NEO1: variants seen among roughly 807,000 people sequenced by gnomAD.
NEO1 encodes neogenin 1.
NEO1 carries 63 observed loss-of-function variants against 159.7 expected under a neutral mutation model. The ratio of observed to expected loss-of-function variants is 0.39; its 90% CI spans 0.32 to 0.49. The LOEUF is 0.49. NEO1 is among the 20% of genes least tolerant of loss of function. NEO1 has a pLI of 0.85. For synonymous variants in NEO1, 633 were observed against 662.0 expected, an observed-to-expected ratio of 0.96 and a Z score of 0.67; for missense variants, 1,615 against 1,831.0, an observed-to-expected ratio of 0.88 and a Z score of 2.15.
rs12050828 is a variant in NEO1, at chr15:73,250,430, G to A, written c.1894+709G>A. ...GTATTTATGTGTATACCGCTCTTAC[G>A]TAAACACACATGCTTTAGAAGGTAA... is the stretch of plus-strand genomic sequence containing the variant. On this transcript the variant is annotated intron_variant, in intron 11 of 28. Transcript: ENST00000261908. 1.4e-3 allele frequency among the ~76,000 whole-genome samples: 220 copies of A among 152,198 alleles called. 2 individuals carry two copies. The East Asian group carries it at 0.041, about 29-fold the overall frequency.
intron 3 of NEO1, 112 bp downstream of exon 3, chr15:73,122,912 G>A: frequency 2.3e-6 from 3 of 1,307,934 alleles, no homozygotes; most frequent in Non-Finnish European, 3.2e-6. Flanking sequence ...GCTCACACCT[G>A]TAATCCCAGC....
Position 73,266,354 on chromosome 15 carries a change from A to G in NEO1, c.2437A>G (p.Asn813Asp). The G allele has an allele frequency of 6.2e-7, 1 of 1,613,730 alleles. No homozygotes were observed. Among genetic ancestry groups the G allele is most frequent in the Non-Finnish European group, 8.5e-7 (1 of 1,179,828 alleles). ...CTATGTGATTACCCTGAAAGCATTT[A>G]ATAACGTGGGTGAAGGCATCCCCCT... ...SHYVITLKAFNNVGEGIPLYE... is the reference protein window; with the variant it reads ...SHYVITLKAFDNVGEGIPLYE... Residue 813 changes from asparagine to aspartate, a missense_variant, in exon 16 of 29, where the codon AAT becomes GAT. Coordinates refer to ENST00000261908, the MANE Select transcript of NEO1 (RefSeq NM_002499.4).
chr15:73,061,890 T>C (rs1239501916), intron 1 of NEO1, among the ~76,000 whole-genome samples: 1 of 152,226 alleles, frequency 6.6e-6, no homozygotes, highest in African/African-American at 2.4e-5. Context: ...TTGATAGCCA[T>C]ATGAAATTGT....
intron 9 of NEO1, among the ~76,000 whole-genome samples, chr15:73,245,838 C>G (rs138141755): frequency 5.9e-4 from 90 of 152,016 alleles, no homozygotes; most frequent in African/African-American, 2.0e-3. Context: ...GCCTCGGCCT[C>G]GCAAAGTGCT....
At chr15:73,235,205 A>G (rs1017212776) in intron 7 of NEO1, among the ~76,000 whole-genome samples, 1 of 152,314 alleles carries the variant, frequency 6.6e-6, no homozygotes, top group East Asian at 1.9e-4. Context: ...TTGTTGCTCC[A>G]CCACTTCATT....
intron 7 of NEO1, among the ~76,000 whole-genome samples, chr15:73,225,898 C>T (rs150638920): frequency 2.6e-5 from 4 of 152,274 alleles, no homozygotes; most frequent in Non-Finnish European, 5.9e-5. Flanking sequence ...GGTTGCCCTC[C>T]CAAAGGATCC....
In NEO1 at chr15:73,266,425, TC is replaced by T; in HGVS notation, c.2494+15del. ...GGCCTCACACAGGTAAGGTATCCTA[TC>T]TTTCCTAGTCTCCAGCACTTTTCCT... is the stretch of plus-strand genomic sequence containing the variant. On this transcript the variant is annotated intron_variant, in intron 16 of 28. Coordinates refer to ENST00000261908, the MANE Select transcript of NEO1 (RefSeq NM_002499.4). The T allele has an allele frequency of 6.3e-7, 1 of 1,585,100 alleles. No homozygotes were observed. Among genetic ancestry groups the T allele is most frequent in the Non-Finnish European group, 8.6e-7 (1 of 1,159,078 alleles).
At chr15:73,227,350 G>A (rs976343721) in intron 7 of NEO1, among the ~76,000 whole-genome samples, 1 of 152,110 alleles carries the variant, frequency 6.6e-6, no homozygotes, top group African/African-American at 2.4e-5. Context: ...ACAAAAATTA[G>A]CCGGGTATGG....
chr15:73,254,861 A>C, intron 13 of NEO1, 32 bp downstream of exon 13: 1 of 1,596,784 alleles, frequency 6.3e-7, no homozygotes, highest in Non-Finnish European at 8.5e-7. Context: ...CAAAAGGTAC[A>C]CTGTGTCTTT....
At chr15:73,060,645 T>TTTTA (rs942042385) in intron 1 of NEO1, among the ~76,000 whole-genome samples, 3 of 151,828 alleles carry the variant, frequency 2.0e-5, no homozygotes, top group African/African-American at 4.8e-5. Context: ...GTGATAACCC[T>TTTTA]TTTATTTATT....
intron 1 of NEO1, among the ~76,000 whole-genome samples, chr15:73,088,693 C>T (rs1047649202): frequency 3.2e-4 from 49 of 151,870 alleles, no homozygotes; most frequent in Non-Finnish European, 6.3e-4. Context: ...GTTATAGTCA[C>T]AGACAAAGAT....
intron 1 of NEO1, among the ~76,000 whole-genome samples, chr15:73,099,011 T>A (rs2070248454): frequency 1.3e-5 from 2 of 152,322 alleles, no homozygotes; most frequent in East Asian, 1.9e-4. Context: ...TTTAAATGAT[T>A]AAGGGCCATT....
intron 17 of NEO1, 39 bp from the exon 18 acceptor site, chr15:73,270,277 A>G (rs1339614778): frequency 6.2e-7 from 1 of 1,613,770 alleles, no homozygotes; most frequent in Non-Finnish European, 8.5e-7. Flanking sequence ...AATCATTGAT[A>G]CTTTCTAATT....
chr15:73,063,571 T>C (rs1018659322), intron 1 of NEO1, among the ~76,000 whole-genome samples: 1 of 152,172 alleles, frequency 6.6e-6, no homozygotes, highest in African/African-American at 2.4e-5. Flanking sequence ...CTAAGTTTCT[T>C]AAGACTTGAG....
intron 7 of NEO1, among the ~76,000 whole-genome samples, chr15:73,193,906 G>T (rs1244390826): frequency 2.1e-4 from 32 of 152,042 alleles, no homozygotes; most frequent in Admixed American, 2.1e-3. Context: ...AGCCTAGAAG[G>T]ATGGATGGGA....
intron 8 of NEO1, 58 bp from the exon 9 acceptor site, chr15:73,244,286 G>A: frequency 6.5e-7 from 1 of 1,535,604 alleles, no homozygotes; most frequent in South Asian, 1.3e-5. Flanking sequence ...AAATGAAACT[G>A]TACATTCTGG....
chr15:73,073,745 T>G (rs963780264), intron 1 of NEO1, among the ~76,000 whole-genome samples: 1 of 152,094 alleles, frequency 6.6e-6, no homozygotes, highest in Non-Finnish European at 1.5e-5. Flanking sequence ...TCAGGAGTGT[T>G]GAGGAATTGG....
At chr15:73,256,083 T>A (rs761654391) in intron 13 of NEO1, 1 of 152,240 alleles carries the variant, frequency 6.6e-6, no homozygotes, top group Non-Finnish European at 1.5e-5. Flanking sequence ...AAACTTTAAC[T>A]TTCTTTATAT....
intron 1 of NEO1, among the ~76,000 whole-genome samples, chr15:73,107,293 A>G (rs139002091): frequency 2.6e-3 from 392 of 152,336 alleles, no homozygotes; most frequent in African/African-American, 8.8e-3. Flanking sequence ...ACAGATTCAC[A>G]TACAAAATTA....
Sources: gnomAD v4.1 joint callset for allele counts (sites outside exome capture counted in the v4.1 genomes callset) on GRCh38, gnomAD v4.1.1 for gene constraint, MANE v1.5 for transcripts, NCBI Gene and HGNC (gene_info 2026-07-23, HGNC 2026-07-21) for gene names.